CDK19: variants seen among roughly 807,000 people sequenced by gnomAD.
CDK19 encodes the protein cyclin-dependent kinase 19.
CDK19 carries 20 observed loss-of-function variants against 68.3 expected under a neutral mutation model. The ratio of observed to expected loss-of-function variants is 0.29; its 90% CI spans 0.21 to 0.43. CDK19 has a LOEUF of 0.43. Ranked by LOEUF, CDK19 falls within the 20% of genes least tolerant of loss-of-function variation. The pLI, the probability that CDK19 is intolerant of heterozygous loss-of-function variation, is 1.00. For missense variants in CDK19, 339 were observed against 623.5 expected (o/e 0.54, Z 4.86); for synonymous variants, 221 against 222.8 (o/e 0.99, Z 0.07).
At chr6:110,707,241 C>G (rs1418804625) in intron 2 of CDK19, among the ~76,000 whole-genome samples, 1 of 151,938 alleles carries the variant, frequency 6.6e-6, no homozygotes, top group Admixed American at 6.6e-5. Context: ...GAGGTTGAGG[C>G]AAGAGAACCA....
intron 12 of CDK19, among the ~76,000 whole-genome samples, chr6:110,619,148 G>A (rs1474796302): frequency 1.3e-5 from 2 of 152,102 alleles, no homozygotes; most frequent in African/African-American, 4.8e-5. Flanking sequence ...TAGATATGTT[G>A]GAAGGTTTAT....
At chr6:110,699,470 T>G (rs1208999180) in intron 2 of CDK19, among the ~76,000 whole-genome samples, 1 of 151,584 alleles carries the variant, frequency 6.6e-6, no homozygotes, top group Non-Finnish European at 1.5e-5. Context: ...GCCATTATTT[T>G]AAGTGAAATA....
chr6:110,654,809 C>T (rs4294036), intron 4 of CDK19, among the ~76,000 whole-genome samples: 62 of 152,020 alleles, frequency 4.1e-4, no homozygotes, highest in Non-Finnish European at 7.6e-4. Flanking sequence ...TGCATGGTGG[C>T]GCATGCCTGT....
At chr6:110,688,395 G>A (rs1772680919) in intron 2 of CDK19, among the ~76,000 whole-genome samples, 1 of 151,958 alleles carries the variant, frequency 6.6e-6, no homozygotes, top group Non-Finnish European at 1.5e-5. Context: ...CAGATTGGAG[G>A]CAGTGTTAGC....
At chr6:110,744,447 GCTTGAGGC>G (rs1028761524) in intron 2 of CDK19, among the ~76,000 whole-genome samples, 1 of 152,132 alleles carries the variant, frequency 6.6e-6, no homozygotes, top group Non-Finnish European at 1.5e-5. Context: ...AGGCAGGATT[GCTTGAGGC>G]CAGGGGTTCA....
chr6:110,714,445 G>C (rs758822362), intron 2 of CDK19, among the ~76,000 whole-genome samples: 13 of 152,120 alleles, frequency 8.5e-5, no homozygotes, highest in Non-Finnish European at 1.6e-4. Context: ...TGGAACTCCT[G>C]GGTCATATGG....
intron 4 of CDK19, among the ~76,000 whole-genome samples, chr6:110,640,358 T>C (rs1488319444): frequency 6.6e-6 from 1 of 151,520 alleles, no homozygotes; most frequent in Non-Finnish European, 1.5e-5. Context: ...AGTCAGTGAG[T>C]TTACAGGAGA....
At chr6:110,757,419 A>T (rs1430650303) in intron 1 of CDK19, among the ~76,000 whole-genome samples, 1 of 152,230 alleles carries the variant, frequency 6.6e-6, no homozygotes, top group Non-Finnish European at 1.5e-5. Flanking sequence ...GACTCAAAGC[A>T]TATAACAATC....
At chr6:110,624,357 T>C (rs1186227081) in intron 8 of CDK19, among the ~76,000 whole-genome samples, 1 of 152,068 alleles carries the variant, frequency 6.6e-6, no homozygotes, top group East Asian at 1.9e-4. Flanking sequence ...TACTAGATAT[T>C]TTTTCATTAT....
At chr6:110,702,550 C>G (rs956268845) in intron 2 of CDK19, among the ~76,000 whole-genome samples, 1 of 151,978 alleles carries the variant, frequency 6.6e-6, no homozygotes, top group African/African-American at 2.4e-5. Context: ...TTGCTTGGGC[C>G]CAGGAGTTTG....
intron 1 of CDK19, among the ~76,000 whole-genome samples, chr6:110,787,396 C>T (rs1438676744): frequency 6.6e-6 from 1 of 150,912 alleles, no homozygotes; most frequent in Non-Finnish European, 1.5e-5. Flanking sequence ...AAACAAAGAC[C>T]TATTCAGGCA....
intron 4 of CDK19, among the ~76,000 whole-genome samples, chr6:110,639,791 TG>T (rs1456089603): frequency 6.6e-6 from 1 of 152,008 alleles, no homozygotes; most frequent in African/African-American, 2.4e-5. Flanking sequence ...TCACTGGGGA[TG>T]GAAGTGGGAA....
In CDK19 at chr6:110,622,867, CCGA is replaced by C; in HGVS notation, c.976_978del (p.Ser326del). The C allele has an allele frequency of 6.2e-7, 1 of 1,613,824 alleles. No homozygotes were observed. ...AAATAGGGATCCTGCAGAGCTTGCTCCGAGGTAATTCTCTTGGTTGGATCCATG... is the reference window on the plus strand; with the variant it reads ...AAATAGGGATCCTGCAGAGCTTGCTCGGTAATTCTCTTGGTTGGATCCATG... On this transcript the variant is annotated inframe_deletion, in exon 10 of 13. Transcript: ENST00000368911.
chr6:110,693,573 G>A (rs540947935), intron 2 of CDK19, among the ~76,000 whole-genome samples: 1 of 152,334 alleles, frequency 6.6e-6, no homozygotes, highest in African/African-American at 2.4e-5. Flanking sequence ...GGCACAACAG[G>A]AATGAGGTTG....
intron 1 of CDK19, among the ~76,000 whole-genome samples, chr6:110,747,381 C>T (rs1332084417): frequency 2.6e-5 from 4 of 151,972 alleles, no homozygotes; most frequent in African/African-American, 9.7e-5. Context: ...AGATAGCATT[C>T]AGGAAATAAT....
chr6:110,623,982 A>G (rs926086261), intron 8 of CDK19, among the ~76,000 whole-genome samples: 1 of 150,488 alleles, frequency 6.6e-6, no homozygotes, highest in Non-Finnish European at 1.5e-5. Flanking sequence ...CCATCAACTG[A>G]AAAATGGGTA....
In CDK19 at chr6:110,675,110, T is replaced by C. The variant is rs539271241; in HGVS notation, c.205-4569A>G. On this transcript the variant is annotated intron_variant, in intron 2 of 12. Coordinates refer to ENST00000368911, the MANE Select transcript of CDK19 (RefSeq NM_015076.5). Reference sequence around the variant, plus strand: ...ATCCAAAAGATCTAGCTAAGATCATTGATGAAGATGGCTACACTAAACAAC... The same window carrying C: ...ATCCAAAAGATCTAGCTAAGATCATCGATGAAGATGGCTACACTAAACAAC... Among the ~76,000 whole-genome samples the C allele has an allele frequency of 6.6e-5, 10 of 152,258 alleles. No individual in the cohort carries two copies. The South Asian group carries it at 1.9e-3, about 28-fold the overall frequency.
chr6:110,753,348 TATTA>T (rs1377605205), intron 1 of CDK19, among the ~76,000 whole-genome samples: 1 of 152,154 alleles, frequency 6.6e-6, no homozygotes, highest in African/African-American at 2.4e-5. Flanking sequence ...TAGAAATCTC[TATTA>T]GTTTAGCCAA....
chr6:110,766,059 A>G (rs549073181), intron 1 of CDK19, among the ~76,000 whole-genome samples: 1 of 152,302 alleles, frequency 6.6e-6, no homozygotes, highest in South Asian at 2.1e-4. Context: ...AAAAACTGAA[A>G]ATAGAAATAC....
Sources: allele counts gnomAD v4.1 joint callset (sites outside exome capture counted in the v4.1 genomes callset), GRCh38; gene constraint gnomAD v4.1.1; transcripts MANE v1.5; gene names NCBI Gene and HGNC (gene_info 2026-07-23, HGNC 2026-07-21).